The following AMBRA1 variants were observed in gnomAD, a reference collection of about 807,000 sequenced individuals.
The protein encoded by AMBRA1 is autophagy and beclin 1 regulator 1.
In AMBRA1, 47 loss-of-function variants were observed where a neutral mutation model predicts 125.4. The ratio of observed to expected loss-of-function variants is 0.37; its 90% CI spans 0.30 to 0.48. AMBRA1 has a LOEUF of 0.48. AMBRA1 is among the 20% of genes least tolerant of loss of function. The pLI, the probability that AMBRA1 is intolerant of heterozygous loss-of-function variation, is 0.99. For synonymous variants in AMBRA1, 626 were observed against 655.5 expected (o/e 0.95, Z 0.69); for missense variants, 1,331 against 1,693.4 (o/e 0.79, Z 3.76).
At chr11:46,500,182 A>T (rs913614023) in intron 9 of AMBRA1, among the ~76,000 whole-genome samples, 1 of 152,204 alleles carries the variant, frequency 6.6e-6, no homozygotes, top group African/African-American at 2.4e-5. Context: ...GGCATTGACA[A>T]GTGATCTCAA....
intron 11 of AMBRA1, among the ~76,000 whole-genome samples, chr11:46,488,248 G>A (rs1205199778): frequency 6.6e-6 from 1 of 152,108 alleles, no homozygotes; most frequent in Non-Finnish European, 1.5e-5. Context: ...TTGACATCAG[G>A]AGCTTAAGAC....
chr11:46,431,574 GC>G (rs1947457367), intron 14 of AMBRA1, among the ~76,000 whole-genome samples: 1 of 152,244 alleles, frequency 6.6e-6, no homozygotes, highest in Non-Finnish European at 1.5e-5. Context: ...CAGGAGCTGG[GC>G]AAGAGCCCTG....
At chr11:46,556,939 C>T (rs576900277) in intron 1 of AMBRA1, among the ~76,000 whole-genome samples, 45 of 152,084 alleles carry the variant, frequency 3.0e-4, no homozygotes, top group African/African-American at 1.1e-3. Context: ...GAGTTCAAGA[C>T]CAGCCTGACC....
Position 46,444,997 on chromosome 11 carries a change from C to A in AMBRA1, c.2522-1399G>T, listed in dbSNP as rs79913909. On this transcript the variant is annotated intron_variant, in intron 11 of 17. Transcript: ENST00000683756. ...TTCCAAAATGATGATACTTCTAGAT[C>A]ATGCATTCTCAACATGGGAAATATC... 3.8e-3 allele frequency among the ~76,000 whole-genome samples: 561 copies of A among 149,164 alleles called. 18 individuals carry two copies. In the East Asian group the frequency reaches 0.093, roughly 25 times the overall value.
chr11:46,571,546 A>C (rs1475113810), intron 1 of AMBRA1, among the ~76,000 whole-genome samples: 1 of 152,042 alleles, frequency 6.6e-6, no homozygotes, highest in Non-Finnish European at 1.5e-5. Flanking sequence ...ATGGTGGCAC[A>C]TACCTGTAGT....
At position 46,463,062 on chromosome 11, in the gene AMBRA1, C is replaced by T. The variant is rs146535061; in HGVS notation, c.2522-19464G>A. Reference sequence around the variant, plus strand: ...AGCCACCACGTCTGGCCAATAATCCCCTTTTCTAAGAAGTCTTTTCTAATC... The same window carrying T: ...AGCCACCACGTCTGGCCAATAATCCTCTTTTCTAAGAAGTCTTTTCTAATC... On this transcript the variant is annotated intron_variant, in intron 11 of 17. Transcript: ENST00000683756. Among the ~76,000 whole-genome samples the T allele has an allele frequency of 6.1e-4, 93 of 152,268 alleles. 1 individual carries two copies. Among genetic ancestry groups the T allele is most frequent in the African/African-American group, 2.1e-3 (89 of 41,572 alleles).
intron 17 of AMBRA1, among the ~76,000 whole-genome samples, chr11:46,402,171 G>C (rs1002539136): frequency 4.6e-5 from 7 of 152,132 alleles, no homozygotes; most frequent in South Asian, 4.1e-4. Context: ...TGGCCTATAA[G>C]TTCCTGAAGG....
intron 1 of AMBRA1, among the ~76,000 whole-genome samples, chr11:46,586,226 CA>C (rs1209521743): frequency 2.6e-5 from 4 of 151,950 alleles, no homozygotes. Context: ...GCCAACATGG[CA>C]AAACTCTGAC....
At chr11:46,592,787 C>T (rs893132730) in intron 1 of AMBRA1, among the ~76,000 whole-genome samples, 1 of 151,760 alleles carries the variant, frequency 6.6e-6, no homozygotes, top group Non-Finnish European at 1.5e-5. Context: ...GAGACAGACT[C>T]CTTGGGTTTC....
intron 17 of AMBRA1, among the ~76,000 whole-genome samples, chr11:46,404,733 G>T (rs1945926570): frequency 6.6e-6 from 1 of 152,188 alleles, no homozygotes; most frequent in Non-Finnish European, 1.5e-5. Flanking sequence ...GGAGGGGATA[G>T]TGGGGCGAGG....
Position 46,543,133 on chromosome 11 carries a change from C to T in AMBRA1, c.884G>A (p.Ser295Asn). ...CTGGCAGCACTCAGCTGTGGGGTAA[C>T]TGACCCGCTGTCGGAGCCTGATGTA... ...SAYIRLRQRV[S>N]YPTAECCQHL... Residue 295 changes from serine to asparagine, a missense_variant, in exon 7 of 18, where the codon AGT becomes AAT. Around this residue, in one of 4 missense-constraint regions of AMBRA1, gnomAD observed 689 missense variants for 776.5 expected, o/e 0.89. Coordinates refer to ENST00000683756, the MANE Select transcript of AMBRA1 (RefSeq NM_001387011.1). 2 of 1,568,052 alleles carry T rather than the reference C, an allele frequency of 1.3e-6. No individual in the cohort carries two copies. Among genetic ancestry groups the T allele is most frequent in the Non-Finnish European group, 1.7e-6 (2 of 1,162,058 alleles).
intron 7 of AMBRA1, among the ~76,000 whole-genome samples, chr11:46,522,792 T>C (rs1853326264): frequency 6.6e-6 from 1 of 152,190 alleles, no homozygotes; most frequent in African/African-American, 2.4e-5. Flanking sequence ...AGTAAGCCTG[T>C]GAAGGTCTTA....
intron 7 of AMBRA1, among the ~76,000 whole-genome samples, chr11:46,524,440 TTG>T (rs1951883073): frequency 6.6e-6 from 1 of 152,204 alleles, no homozygotes; most frequent in Admixed American, 6.5e-5. Context: ...ATAAAACCTT[TTG>T]ATATATCTTA....
intron 1 of AMBRA1, among the ~76,000 whole-genome samples, chr11:46,566,512 C>T (rs577372034): frequency 4.6e-5 from 7 of 152,092 alleles, no homozygotes; most frequent in Admixed American, 2.6e-4. Flanking sequence ...CAAATGGTTA[C>T]ATTCTATATA....
chr11:46,451,265 T>G (rs1948579965), intron 11 of AMBRA1, among the ~76,000 whole-genome samples: 2 of 152,172 alleles, frequency 1.3e-5, no homozygotes, highest in Non-Finnish European at 2.9e-5. Context: ...AAAACTAAGC[T>G]GCCAAGTCTC....
At chr11:46,507,781 G>A (rs374284299) in intron 9 of AMBRA1, among the ~76,000 whole-genome samples, 5 of 152,132 alleles carry the variant, frequency 3.3e-5, no homozygotes, top group African/African-American at 7.2e-5. Context: ...ATTTCAGAAC[G>A]AAGACAACAT....
intron 11 of AMBRA1, among the ~76,000 whole-genome samples, chr11:46,464,896 T>C (rs1458980801): frequency 1.3e-5 from 2 of 151,982 alleles, no homozygotes; most frequent in African/African-American, 4.8e-5. Context: ...AATACAAAAA[T>C]TAGCCAGGCA....
intron 8 of AMBRA1, 55 bp from the exon 9 acceptor site, chr11:46,508,425 T>A: frequency 2.6e-6 from 4 of 1,552,016 alleles, no homozygotes; most frequent in Non-Finnish European, 3.5e-6. Context: ...GGGAATACTA[T>A]GAAAGGCAGT....
At chr11:46,460,978 C>A (rs914793034) in intron 11 of AMBRA1, among the ~76,000 whole-genome samples, 68 of 152,182 alleles carry the variant, frequency 4.5e-4, no homozygotes, top group African/African-American at 1.6e-3. Context: ...AGTGGTGGTG[C>A]ACACTTATAA....
Sources: allele counts gnomAD v4.1 joint callset (sites outside exome capture counted in the v4.1 genomes callset), GRCh38; gene constraint gnomAD v4.1.1; regional missense constraint gnomAD v4.1.1; transcripts MANE v1.5; gene names NCBI Gene and HGNC (gene_info 2026-07-23, HGNC 2026-07-21).